NPEPPS: variants seen among roughly 807,000 people sequenced by gnomAD.
The protein encoded by NPEPPS is aminopeptidase puromycin sensitive.
A neutral mutation model predicts 115.5 loss-of-function variants in NPEPPS; 14 were observed. The observed-to-expected ratio is 0.12, with a 90% CI of 0.08 to 0.19. The LOEUF is 0.19. Among genes scored for constraint, NPEPPS ranks in the 10% least tolerant of loss-of-function variants. NPEPPS has a pLI of 1.00. For synonymous variants in NPEPPS, 285 were observed against 390.6 expected (o/e 0.73, Z 3.19); for missense variants, 523 against 1,110.8 (o/e 0.47, Z 7.52).
intron 2 of NPEPPS, among the ~76,000 whole-genome samples, chr17:47,555,708 T>G (rs943488300): frequency 4.0e-5 from 6 of 151,876 alleles, no homozygotes; most frequent in Non-Finnish European, 7.4e-5. Context: ...CAATGCTTCC[T>G]TACTTTTTTT....
At chr17:47,599,629 C>T in intron 13 of NPEPPS, 47 bp from the exon 14 acceptor site, 1 of 1,498,042 alleles carries the variant, frequency 6.7e-7, no homozygotes, top group East Asian at 2.5e-5. Context: ...AAAACCAAAA[C>T]CCCAGATGGT....
chr17:47,536,980 T>C (rs1348349475), intron 1 of NPEPPS, among the ~76,000 whole-genome samples: 6 of 151,986 alleles, frequency 3.9e-5, no homozygotes, highest in Non-Finnish European at 8.8e-5. Flanking sequence ...CTCAAAATGC[T>C]GGGATCACAG....
intron 1 of NPEPPS, among the ~76,000 whole-genome samples, chr17:47,543,099 C>T (rs1346250634): frequency 2.0e-5 from 3 of 148,024 alleles, no homozygotes; most frequent in East Asian, 4.1e-4. Flanking sequence ...ATCGCAAGAT[C>T]GCATCATTGG....
chr17:47,555,347 C>CT (rs11301327), intron 2 of NPEPPS, among the ~76,000 whole-genome samples: 8,512 of 118,130 alleles, frequency 0.072, 359 homozygotes, highest in East Asian at 0.12. Context: ...GTATGCTGTT[C>CT]TTTTTTTTTT....
At chr17:47,550,601 GATATAT>G (rs1315568045) in intron 2 of NPEPPS, among the ~76,000 whole-genome samples, 4 of 143,726 alleles carry the variant, frequency 2.8e-5, no homozygotes, top group Non-Finnish European at 4.5e-5. Context: ...AGTTATACCA[GATATAT>G]ATATATGTAT....
At chr17:47,550,022 C>T (rs1250993638) in intron 2 of NPEPPS, among the ~76,000 whole-genome samples, 1 of 142,278 alleles carries the variant, frequency 7.0e-6, no homozygotes, top group Non-Finnish European at 1.5e-5. Context: ...GCAAGCTCTG[C>T]CTCCCGGGTT....
chr17:47,544,030 G>A (rs1908994526), intron 1 of NPEPPS, among the ~76,000 whole-genome samples: 1 of 152,114 alleles, frequency 6.6e-6, no homozygotes, highest in South Asian at 2.1e-4. Flanking sequence ...GAGTAGCTGG[G>A]ACTACAGGCA....
At chr17:47,571,568 A>G (rs1302659302) in intron 3 of NPEPPS, among the ~76,000 whole-genome samples, 1 of 152,082 alleles carries the variant, frequency 6.6e-6, no homozygotes, top group African/African-American at 2.4e-5. Flanking sequence ...AATACAAAAA[A>G]TTAGCTGGGA....
chr17:47,532,132 C>G (rs1221345193), intron 1 of NPEPPS, among the ~76,000 whole-genome samples: 1 of 152,028 alleles, frequency 6.6e-6, no homozygotes, highest in South Asian at 2.1e-4. Flanking sequence ...CAGGCAGCCT[C>G]GCTGACTTCT....
intron 2 of NPEPPS, among the ~76,000 whole-genome samples, chr17:47,566,188 A>G (rs956440887): frequency 2.0e-5 from 3 of 152,132 alleles, no homozygotes; most frequent in Admixed American, 1.3e-4. Flanking sequence ...TGTGTTGCCC[A>G]GGTTGATTTT....
chr17:47,620,214 CA>C (rs370690314), intron 22 of NPEPPS: 462 of 58,470 alleles, frequency 7.9e-3, no homozygotes, highest in African/African-American at 0.016. Context: ...ACTCCTGTCT[CA>C]AAAAAAAAAA....
chr17:47,574,159 A>T (rs1225719575), intron 3 of NPEPPS, among the ~76,000 whole-genome samples: 1 of 152,158 alleles, frequency 6.6e-6, no homozygotes, highest in African/African-American at 2.4e-5. Context: ...TTAAGAAGAA[A>T]GACTGAAAAT....
rs1311924151 is a variant in NPEPPS at position 47,537,474 on chromosome 17, A to T, written c.255+5919A>T. On this transcript the variant is annotated intron_variant, in intron 1 of 22. Coordinates refer to ENST00000322157, the MANE Select transcript of NPEPPS (RefSeq NM_006310.4). Reference sequence around the variant, plus strand: ...TTTGGGAGGCTGAGGTGGGTGGATCATGAGGTCAGAAGTTTGAGACCAGCC... The same window carrying T: ...TTTGGGAGGCTGAGGTGGGTGGATCTTGAGGTCAGAAGTTTGAGACCAGCC... Among the ~76,000 whole-genome samples, 4 of 152,106 alleles carry T rather than the reference A, an allele frequency of 2.6e-5. No individual in the cohort carries two copies. The South Asian group carries it at 6.2e-4, about 24-fold the overall frequency.
In NPEPPS at chr17:47,537,363, C is replaced by T. The variant is rs150127632; in HGVS notation, c.255+5808C>T. ...ATTCTGCAGTGAATTTTCCAGATAA[C>T]TGAAGTTTACCCTTTGAGGCCCTTA... On this transcript the variant is annotated intron_variant, in intron 1 of 22. Coordinates refer to ENST00000322157, the MANE Select transcript of NPEPPS (RefSeq NM_006310.4). 6.7e-3 allele frequency among the ~76,000 whole-genome samples: 1,024 copies of T among 152,156 alleles called. 14 individuals carry two copies. Among genetic ancestry groups the T allele is most frequent in the African/African-American group, 0.022 (900 of 41,510 alleles).
chr17:47,594,736 C>T (rs1000552982), intron 12 of NPEPPS, among the ~76,000 whole-genome samples: 10 of 146,510 alleles, frequency 6.8e-5, no homozygotes, highest in Non-Finnish European at 3.0e-5. Context: ...GGGTTCAGGC[C>T]ATTCTCCTGC....
chr17:47,579,951 G>GTGTGTT (rs1181721758), intron 4 of NPEPPS: 131 of 162,028 alleles, frequency 8.1e-4, no homozygotes, highest in African/African-American at 3.1e-3. Context: ...GTGTGTGTGT[G>GTGTGTT]TGTGTGTGTG....
chr17:47,613,394 G>A, intron 18 of NPEPPS, among the ~76,000 whole-genome samples: 1 of 150,642 alleles, frequency 6.6e-6, no homozygotes, highest in East Asian at 2.0e-4. Context: ...AGCCTCCTGA[G>A]TAGCTGGGAT....
chr17:47,579,475 T>C lies in NPEPPS; in HGVS notation c.504T>C (p.Ser168=), dbSNP rs2143832798. 3 of 1,612,122 alleles carry C rather than the reference T, an allele frequency of 1.9e-6. No homozygotes were observed. The East Asian group carries it at 6.7e-5, about 36-fold the overall frequency. Residue 168 remains serine, a synonymous_variant, in exon 4 of 23, where the codon TCT becomes TCC. Coordinates refer to ENST00000322157, the MANE Select transcript of NPEPPS (RefSeq NM_006310.4). ...GFYRSKYTTP[S]GEVRYAAVTQ... is the part of the protein sequence containing the mutation. ...ATAGAAGTAAATATACTACCCCTTC[T>C]GGAGAGGTGCGCTATGCTGCTGTAA... is the stretch of plus-strand genomic sequence containing the variant.
chr17:47,619,712 A>T (rs1394197051), intron 21 of NPEPPS, 25 bp from the exon 22 acceptor site: 3 of 1,605,842 alleles, frequency 1.9e-6, no homozygotes, highest in Non-Finnish European at 2.6e-6. Flanking sequence ...GGTTTCACTT[A>T]CTGTTTAAAA....
Sources: allele counts gnomAD v4.1 joint callset (sites outside exome capture counted in the v4.1 genomes callset), GRCh38; gene constraint gnomAD v4.1.1; transcripts MANE v1.5; gene names NCBI Gene and HGNC (gene_info 2026-07-23, HGNC 2026-07-21).